The following DAB2IP variants were observed in gnomAD, a reference collection of about 807,000 sequenced individuals.
DAB2IP encodes the protein DAB2 interacting protein, also known as disabled homolog 2-interacting protein.
In DAB2IP, 28 loss-of-function variants were observed where a neutral mutation model predicts 107.2. The ratio of observed to expected loss-of-function variants is 0.26; its 90% confidence interval spans 0.19 to 0.36. DAB2IP has a LOEUF of 0.36. DAB2IP is among the 10% of genes least tolerant of loss of function. DAB2IP has a pLI of 1.00. For synonymous variants in DAB2IP, 755 were observed against 706.4 expected (o/e 1.07, Z -1.09); for missense variants, 1,400 against 1,644.7 (o/e 0.85, Z 2.57).
chr9:121,583,143 T>C (rs1830238107), intron 1 of DAB2IP, among the ~76,000 whole-genome samples: 1 of 152,128 alleles, frequency 6.6e-6, no homozygotes, highest in African/African-American at 2.4e-5. Context: ...TCCCAACACT[T>C]TGGGAGGCCA....
At chr9:121,735,806 T>G (rs1276848219) in intron 3 of DAB2IP, among the ~76,000 whole-genome samples, 1 of 152,196 alleles carries the variant, frequency 6.6e-6, no homozygotes, top group Non-Finnish European at 1.5e-5. Flanking sequence ...AAATACCTGG[T>G]TGGCTGGGTG....
At chr9:121,577,852 C>T (rs1381579350) in intron 1 of DAB2IP, among the ~76,000 whole-genome samples, 1 of 152,140 alleles carries the variant, frequency 6.6e-6, no homozygotes, top group African/African-American at 2.4e-5. Context: ...GGTGGCTCAG[C>T]AGAGGGAGCA....
chr9:121,776,696 G>A lies in DAB2IP; in HGVS notation c.3314+305G>A, dbSNP rs77901152. ...CATCTTAGTAAGCACTCTCAGGGGCGCTGAGAAGCTGGATTGGGGGGTGCC... is the reference window on the plus strand; with the variant it reads ...CATCTTAGTAAGCACTCTCAGGGGCACTGAGAAGCTGGATTGGGGGGTGCC... On this transcript the variant is annotated intron_variant, in intron 14 of 15. Coordinates refer to ENST00000408936, the Ensembl canonical transcript of DAB2IP. The surrounding 1 kb of genome is among the most constrained non-coding windows in gnomAD (Gnocchi z 5.4). Among the ~76,000 whole-genome samples the A allele has an allele frequency of 0.019, 2,845 of 152,276 alleles. 94 individuals are homozygous for A. The highest frequency in any genetic ancestry group is 0.065 in the African/African-American group (2,694 of 41,554).
In DAB2IP at chr9:121,773,388, GCGTC is replaced by G; in HGVS notation, c.2861_2864del (p.Ala954GlyfsTer13). 1 of 1,597,770 alleles carries G rather than the reference GCGTC, an allele frequency of 6.3e-7. No homozygotes were observed. Among genetic ancestry groups the G allele is most frequent in the Non-Finnish European group, 8.5e-7 (1 of 1,173,122 alleles). On this transcript the variant is annotated frameshift_variant, in exon 12 of 16. Coordinates refer to ENST00000408936, the Ensembl canonical transcript of DAB2IP. LOFTEE classifies it high-confidence loss of function. The stretch of plus-strand genomic sequence containing the variant: ...CCCAAGACCCTCAAGCGGAACCCTG[GCGTC>G]GGCCTCACCTGATTGGGTGGGCCCC...
At chr9:121,678,899 C>T in intron 2 of DAB2IP, 118 bp downstream of exon 2, 1 of 976,222 alleles carries the variant, frequency 1.0e-6, no homozygotes, top group Non-Finnish European at 1.4e-6. Context: ...CGGAGAGCAT[C>T]CGGCCTCCCT....
chr9:121,666,401 A>T (rs1020152979), intron 1 of DAB2IP, among the ~76,000 whole-genome samples: 1 of 152,238 alleles, frequency 6.6e-6, no homozygotes, highest in Non-Finnish European at 1.5e-5. Flanking sequence ...TGTGCGTAGC[A>T]CAGGTGGGTA....
chr9:121,741,290 A>T (rs1832323114), intron 3 of DAB2IP, among the ~76,000 whole-genome samples: 1 of 151,984 alleles, frequency 6.6e-6, no homozygotes, highest in African/African-American at 2.4e-5. Context: ...CCTATGGCTG[A>T]TGCAGAACTC....
At chr9:121,585,677 A>C (rs887986627) in intron 1 of DAB2IP, among the ~76,000 whole-genome samples, 2 of 151,994 alleles carry the variant, frequency 1.3e-5, no homozygotes, top group African/African-American at 4.8e-5. Context: ...GGGCAGCAAG[A>C]TCCCTGTCTC....
chr9:121,752,124 A>T, intron 3 of DAB2IP: 1 of 731,284 alleles, frequency 1.4e-6, no homozygotes, highest in Non-Finnish European at 1.7e-6. Flanking sequence ...GGATGGGGGA[A>T]GCGGCCCATA....
intron 1 of DAB2IP, among the ~76,000 whole-genome samples, chr9:121,655,247 T>TGG (rs1035048397): frequency 6.6e-6 from 1 of 152,124 alleles, no homozygotes; most frequent in African/African-American, 2.4e-5. Flanking sequence ...CCCATGGATT[T>TGG]GGGGGGATCC....
intron 3 of DAB2IP, among the ~76,000 whole-genome samples, chr9:121,739,363 A>G (rs1223900187): frequency 1.3e-5 from 2 of 152,196 alleles, no homozygotes; most frequent in Non-Finnish European, 2.9e-5. Context: ...CATGACTGCC[A>G]ATGTCTTTCA....
At chr9:121,631,620 A>G (rs1329695122) in intron 1 of DAB2IP, among the ~76,000 whole-genome samples, 1 of 152,080 alleles carries the variant, frequency 6.6e-6, no homozygotes, top group Non-Finnish European at 1.5e-5. Context: ...GATCGAGACC[A>G]TCCTGGCCCA....
At position 121,763,499 on chromosome 9, in the gene DAB2IP, C is replaced by T; in HGVS notation, c.1171-6C>T. On this transcript the variant is annotated splice_polypyrimidine_tract_variant and splice_region_variant and intron_variant, in intron 6 of 15. Coordinates refer to ENST00000408936, the Ensembl canonical transcript of DAB2IP. ...GTCCTGCTCTCTCCACCTCCTGCCT[C>T]CCCAGGACTTCCTGACAGACCTGAT... The T allele has an allele frequency of 3.1e-6, 5 of 1,610,270 alleles. No homozygotes were observed. Among genetic ancestry groups the T allele is most frequent in the Non-Finnish European group, 4.2e-6 (5 of 1,178,202 alleles).
At chr9:121,763,990 TG>T in intron 8 of DAB2IP, 111 bp downstream of exon 8, 1 of 1,458,724 alleles carries the variant, frequency 6.9e-7, no homozygotes, top group African/African-American at 1.4e-5. Context: ...TGTACTGACT[TG>T]CCAGTCCCCT....
chr9:121,605,525 G>T (rs1229818573), intron 1 of DAB2IP, among the ~76,000 whole-genome samples: 2 of 151,872 alleles, frequency 1.3e-5, no homozygotes, highest in African/African-American at 2.4e-5. Flanking sequence ...TTGAGACAGG[G>T]TCTCACTCTG....
At chr9:121,673,893 T>G (rs1833783168) in intron 1 of DAB2IP, among the ~76,000 whole-genome samples, 1 of 152,150 alleles carries the variant, frequency 6.6e-6, no homozygotes, top group Non-Finnish European at 1.5e-5. Flanking sequence ...ATCAGCTCCA[T>G]GGGTGACTCC....
At chr9:121,594,357 C>A (rs1357660790) in intron 1 of DAB2IP, among the ~76,000 whole-genome samples, 1 of 151,738 alleles carries the variant, frequency 6.6e-6, no homozygotes, top group African/African-American at 2.4e-5. Context: ...CCTGTCTCAG[C>A]CTCCCTAGTA....
In DAB2IP at chr9:121,782,539, C is replaced by G; in HGVS notation, c.*41C>G. 2 of 1,601,064 alleles carry G rather than the reference C, an allele frequency of 1.2e-6. No individual in the cohort carries two copies. The highest frequency in any genetic ancestry group is 1.7e-6 in the Non-Finnish European group (2 of 1,170,758). On this transcript the variant is annotated 3_prime_UTR_variant, in exon 16 of 16. Coordinates refer to ENST00000408936, the Ensembl canonical transcript of DAB2IP. This position sits in a 1 kb window ranked among gnomAD's most constrained non-coding sequence, Gnocchi z 6.1. Reference sequence around the variant, plus strand: ...AGGAAGCTACCCAAGGAGAGGGGGACTATGGTGGCCAAGGGCAGGGTCTCG... The same window carrying G: ...AGGAAGCTACCCAAGGAGAGGGGGAGTATGGTGGCCAAGGGCAGGGTCTCG...
At chr9:121,757,500 C>CCCCCAATAA (rs1833578254) in intron 4 of DAB2IP, among the ~76,000 whole-genome samples, 1 of 150,676 alleles carries the variant, frequency 6.6e-6, no homozygotes, top group Admixed American at 6.6e-5. Context: ...TTAGAGCCTG[C>CCCCCAATAA]TCACCTCCCA....
Sources: allele counts gnomAD v4.1 joint callset (sites outside exome capture counted in the v4.1 genomes callset), GRCh38; gene constraint gnomAD v4.1.1; non-coding constraint Gnocchi (gnomAD v3.1); transcripts MANE v1.5; gene names NCBI Gene and HGNC (gene_info 2026-07-23, HGNC 2026-07-21).